PLCE1: variants seen among roughly 807,000 people sequenced by gnomAD.
PLCE1 encodes 1-phosphatidylinositol 4,5-bisphosphate phosphodiesterase epsilon-1.
In PLCE1, 119 loss-of-function variants were observed where a neutral mutation model predicts 242.8. That is an observed-to-expected ratio of 0.49 (90% CI 0.42 to 0.57). The LOEUF is 0.57. PLCE1 is among the 20% of genes least tolerant of loss of function. The pLI is 0.00. For missense variants in PLCE1, 2,441 were observed against 2,788.8 expected, an observed-to-expected ratio of 0.88 and a Z score of 2.81; for synonymous variants, 945 against 1,017.4, an observed-to-expected ratio of 0.93 and a Z score of 1.35.
At chr10:94,148,420 A>G (rs1404343015) in intron 3 of PLCE1, among the ~76,000 whole-genome samples, 1 of 152,170 alleles carries the variant, frequency 6.6e-6, no homozygotes, top group Non-Finnish European at 1.5e-5. Flanking sequence ...ATAGGCATCC[A>G]GGACAGCAGC....
intron 3 of PLCE1, among the ~76,000 whole-genome samples, chr10:94,155,189 C>T (rs555912526): frequency 5.9e-5 from 9 of 152,050 alleles, no homozygotes; most frequent in South Asian, 4.2e-4. Context: ...TCCAAATGCT[C>T]GTAACAACAT....
chr10:94,002,230 C>T (rs938486548), intron 1 of PLCE1, among the ~76,000 whole-genome samples: 11 of 152,208 alleles, frequency 7.2e-5, no homozygotes, highest in African/African-American at 2.7e-4. Flanking sequence ...CCTGCACCAG[C>T]AGTGCAACAC....
rs1589960964 is a variant in PLCE1, at chr10:94,072,814, A to G, written c.1206+40562A>G. Among the ~76,000 whole-genome samples, 4 of 152,132 alleles carry G rather than the reference A, an allele frequency of 2.6e-5. No homozygotes were observed. The South Asian group carries it at 8.3e-4, about 32-fold the overall frequency. Reference sequence around the variant, plus strand: ...GAAGAGGGTTAGATGAGTCTGACCCAATGTCACCAGGTGGCCTTCCTCTTT... The same window carrying G: ...GAAGAGGGTTAGATGAGTCTGACCCGATGTCACCAGGTGGCCTTCCTCTTT... On this transcript the variant is annotated intron_variant, in intron 2 of 32. Coordinates refer to ENST00000371380, the MANE Select transcript of PLCE1 (RefSeq NM_016341.4).
chr10:94,259,371 C>T (rs1032732944), intron 13 of PLCE1, among the ~76,000 whole-genome samples: 15 of 152,038 alleles, frequency 9.9e-5, no homozygotes, highest in Admixed American at 7.2e-4. Context: ...GCTACCTCCA[C>T]CTCCCGGGTT....
intron 3 of PLCE1, among the ~76,000 whole-genome samples, chr10:94,168,792 A>G (rs927801896): frequency 2.6e-5 from 4 of 152,136 alleles, no homozygotes; most frequent in Admixed American, 2.6e-4. Flanking sequence ...GTTCGAGATC[A>G]TGTCTTAGAG....
At chr10:94,159,158 C>T (rs1429228626) in intron 3 of PLCE1, among the ~76,000 whole-genome samples, 1 of 152,068 alleles carries the variant, frequency 6.6e-6, no homozygotes, top group Non-Finnish European at 1.5e-5. Flanking sequence ...TCTTAACACT[C>T]AGTCTGAATA....
At chr10:94,068,835 C>A (rs766335731) in intron 2 of PLCE1, among the ~76,000 whole-genome samples, 2 of 152,200 alleles carry the variant, frequency 1.3e-5, no homozygotes, top group African/African-American at 2.4e-5. Flanking sequence ...TGCCATAAAG[C>A]TTTATGGCAC....
At chr10:94,111,230 G>C (rs1250751906) in intron 2 of PLCE1, among the ~76,000 whole-genome samples, 1 of 152,176 alleles carries the variant, frequency 6.6e-6, no homozygotes, top group Non-Finnish European at 1.5e-5. Context: ...TGTGGCAATA[G>C]GAAGCAGGGT....
intron 4 of PLCE1, among the ~76,000 whole-genome samples, chr10:94,208,104 A>G (rs1257595860): frequency 2.6e-5 from 4 of 152,230 alleles, no homozygotes. Flanking sequence ...ATATTGGTGC[A>G]TTCCTAGAAT....
intron 2 of PLCE1, chr10:94,088,160 A>G (rs190707076): frequency 6.6e-6 from 1 of 152,312 alleles, no homozygotes; most frequent in African/African-American, 2.4e-5. Context: ...TCTGAGCTTC[A>G]CCTTCTTCAC....
intron 2 of PLCE1, among the ~76,000 whole-genome samples, chr10:94,034,097 AATC>A (rs1406136861): frequency 6.6e-6 from 1 of 152,162 alleles, no homozygotes; most frequent in East Asian, 1.9e-4. Context: ...GCAGGCAAGA[AATC>A]ATGTGCAGGG....
chr10:94,281,623 A>G (rs1334853563), intron 20 of PLCE1, among the ~76,000 whole-genome samples: 2 of 152,166 alleles, frequency 1.3e-5, no homozygotes, highest in Non-Finnish European at 1.5e-5. Context: ...TGTCTTCACC[A>G]CCTTAGGCCT....
At chr10:94,260,377 T>C (rs2051254745) in intron 13 of PLCE1, among the ~76,000 whole-genome samples, 1 of 152,206 alleles carries the variant, frequency 6.6e-6, no homozygotes, top group Admixed American at 6.5e-5. Context: ...TAACCACTTA[T>C]GCATTTCCAG....
intron 16 of PLCE1, among the ~76,000 whole-genome samples, chr10:94,266,921 T>C (rs199588329): frequency 8.5e-5 from 13 of 152,220 alleles, no homozygotes; most frequent in Non-Finnish European, 4.4e-5. Context: ...ATTTTCAAAA[T>C]AGAAGTTCTG....
Position 94,281,925 on chromosome 10 carries a change from G to A in PLCE1, c.4796-1865G>A, listed in dbSNP as rs1395313265. On this transcript the variant is annotated intron_variant, in intron 20 of 32. Transcript: ENST00000371380. ...GTGACCATCTCCACTTTCTCCAGCA[G>A]GGATAGAGAACAGAAATCTACCTGC... 2.0e-5 allele frequency among the ~76,000 whole-genome samples: 3 copies of A among 151,734 alleles called. No homozygotes were observed. In the East Asian group the frequency reaches 5.8e-4, roughly 29 times the overall value.
intron 22 of PLCE1, among the ~76,000 whole-genome samples, chr10:94,290,313 C>A (rs867805428): frequency 7.2e-5 from 11 of 151,784 alleles, no homozygotes; most frequent in Middle Eastern, 3.4e-3. Context: ...TCGCACCCGG[C>A]CATTTTCTTT....
At chr10:94,313,019 T>G (rs949725086) in intron 27 of PLCE1, among the ~76,000 whole-genome samples, 2 of 152,204 alleles carry the variant, frequency 1.3e-5, no homozygotes, top group African/African-American at 4.8e-5. Flanking sequence ...CCTCTAATTA[T>G]GATGGAAAGA....
At position 94,262,661 on chromosome 10, in the gene PLCE1, C is replaced by G. The variant is rs1209743554; in HGVS notation, c.3982C>G (p.Gln1328Glu). 1.2e-6 allele frequency: 2 copies of G among 1,614,100 alleles called. No homozygotes were observed. The highest frequency in any genetic ancestry group is 2.2e-5 in the South Asian group (2 of 91,074). Residue 1328 changes from glutamine (Q) to glutamate (E), a missense_variant, in exon 14 of 33, where the codon CAG (glutamine) becomes GAG (glutamate). Gln to Glu is a conservative substitution (Grantham distance 29). Transcript: ENST00000371380. ...SLGIFGVGIL[Q>E]LNDFLVNCQG... ...GGGCATTTTTGGGGTGGGCATACTT[C>G]AGCTCAACGATTTCCTCGTGAATTG...
intron 5 of PLCE1, among the ~76,000 whole-genome samples, chr10:94,233,037 T>C (rs2050197343): frequency 6.6e-6 from 1 of 152,180 alleles, no homozygotes; most frequent in South Asian, 2.1e-4. Flanking sequence ...CAGAGAAATA[T>C]TCCCAAGCTA....
Sources: allele counts gnomAD v4.1 joint callset (sites outside exome capture counted in the v4.1 genomes callset), GRCh38; gene constraint gnomAD v4.1.1; transcripts MANE v1.5; gene names NCBI Gene and HGNC (gene_info 2026-07-23, HGNC 2026-07-21).